SH3BP4: variants seen among roughly 807,000 people sequenced by gnomAD.
SH3BP4 encodes the protein SH3 domain-binding protein 4.
A neutral mutation model predicts 65.5 loss-of-function variants in SH3BP4; 33 were observed. That is an observed-to-expected ratio of 0.50 (90% confidence interval 0.38 to 0.67). The LOEUF (loss-of-function observed/expected upper bound fraction) is 0.67, where lower values mean the gene tolerates loss of function less well. Ranked by LOEUF, SH3BP4 falls within the 30% of genes least tolerant of loss-of-function variation. The pLI, the probability that SH3BP4 is intolerant of heterozygous loss-of-function variation, is 0.00. For synonymous variants in SH3BP4, 552 were observed against 545.5 expected, an observed-to-expected ratio of 1.01 and a Z score of -0.17; for missense variants, 1,134 against 1,261.4, an observed-to-expected ratio of 0.90 and a Z score of 1.53.
At chr2:235,036,107 A>G (rs1177251431) in intron 3 of SH3BP4, among the ~76,000 whole-genome samples, 1 of 152,234 alleles carries the variant, frequency 6.6e-6, no homozygotes, top group African/African-American at 2.4e-5. Flanking sequence ...ATGTACAAAA[A>G]TTATATGCAC....
rs1237159043 is a variant in SH3BP4, at chr2:234,952,601, G to C, written c.-207+431G>C. On this transcript the variant is annotated intron_variant, in intron 1 of 5. Transcript: ENST00000392011. The surrounding 1 kb of genome is among the most constrained non-coding windows in gnomAD (Gnocchi z 6.5). Reference sequence around the variant, plus strand: ...GCTCACGGGGGCCGTGGGGGCCACGGGAGGGCGTGGAGGGGTCGGGGCGCC... The same window carrying C: ...GCTCACGGGGGCCGTGGGGGCCACGCGAGGGCGTGGAGGGGTCGGGGCGCC... 3 of 152,132 alleles carry C rather than the reference G, an allele frequency of 2.0e-5. No individual in the cohort carries two copies. Among genetic ancestry groups the C allele is most frequent in the Non-Finnish European group, 4.4e-5 (3 of 68,028 alleles). 9.4% of individuals were successfully genotyped at this position (152,132 alleles called of 1,614,324 possible). A position where few individuals can be genotyped will look rare whatever the true frequency, so the allele number is the denominator to read the frequency against.
intron 1 of SH3BP4, among the ~76,000 whole-genome samples, chr2:234,984,183 A>G (rs116283054): frequency 1.3e-5 from 2 of 151,746 alleles, no homozygotes; most frequent in African/African-American, 4.9e-5. Context: ...CAGGGCATAT[A>G]CACGTGTATG....
intron 1 of SH3BP4, among the ~76,000 whole-genome samples, chr2:234,970,714 T>C (rs951226121): frequency 6.6e-6 from 1 of 152,258 alleles, no homozygotes; most frequent in African/African-American, 2.4e-5. Context: ...ACTCTTCAGC[T>C]GACTTCTGTT....
Position 235,010,276 on chromosome 2 carries a change from C to T in SH3BP4, c.-133+14900C>T. On this transcript the variant is annotated intron_variant, in intron 2 of 5. Coordinates refer to ENST00000392011, the MANE Select transcript of SH3BP4 (RefSeq NM_014521.3). ...CTCTGTCCCTGGGCCCACCCCACTTCATCTCCAGTTGCCTGTCTGAGTCCT... is the reference window on the plus strand; with the variant it reads ...CTCTGTCCCTGGGCCCACCCCACTTTATCTCCAGTTGCCTGTCTGAGTCCT... Among the ~76,000 whole-genome samples, 2 of 152,324 alleles carry T rather than the reference C, an allele frequency of 1.3e-5. 1 individual carries two copies. Among genetic ancestry groups the T allele is most frequent in the Middle Eastern group, 6.8e-3 (2 of 294 alleles).
chr2:235,024,078 A>G (rs942153102), intron 2 of SH3BP4, among the ~76,000 whole-genome samples: 4 of 152,220 alleles, frequency 2.6e-5, no homozygotes, highest in African/African-American at 9.6e-5. Flanking sequence ...TATCTCGATT[A>G]GTAATTGATG....
intron 2 of SH3BP4, among the ~76,000 whole-genome samples, chr2:235,000,804 C>T (rs968136945): frequency 6.6e-6 from 1 of 152,216 alleles, no homozygotes; most frequent in Non-Finnish European, 1.5e-5. Flanking sequence ...ATCTGGTGCC[C>T]CACACACTGG....
intron 2 of SH3BP4, among the ~76,000 whole-genome samples, chr2:235,000,470 T>A (rs1458579763): frequency 6.6e-6 from 1 of 152,150 alleles, no homozygotes; most frequent in Non-Finnish European, 1.5e-5. Context: ...GAGGAGGGAT[T>A]AGCATGATCC....
At chr2:234,960,125 T>A (rs7583572) in intron 1 of SH3BP4, among the ~76,000 whole-genome samples, 2,441 of 152,314 alleles carry the variant, frequency 0.016, 59 homozygotes, top group African/African-American at 0.055. Flanking sequence ...GGTATTCAGA[T>A]CTAACTGAAA....
intron 2 of SH3BP4, among the ~76,000 whole-genome samples, chr2:235,017,189 G>A (rs1694715507): frequency 6.6e-6 from 1 of 151,154 alleles, no homozygotes; most frequent in Non-Finnish European, 1.5e-5. Context: ...TCTCCTGGCT[G>A]GGTGAGATCC....
rs116103637 is a variant in SH3BP4, at chr2:234,982,133, T to C, written c.-206-13170T>C. ...ATTAGTTGTGCACCTGAAAATTCGATGTAACCGGCTGTTCTGGGTTTTGTC... is the reference window on the plus strand; with the variant it reads ...ATTAGTTGTGCACCTGAAAATTCGACGTAACCGGCTGTTCTGGGTTTTGTC... On this transcript the variant is annotated intron_variant, in intron 1 of 5. Coordinates refer to ENST00000392011, the MANE Select transcript of SH3BP4 (RefSeq NM_014521.3). Among the ~76,000 whole-genome samples, 1,285 of 152,312 alleles carry C rather than the reference T, an allele frequency of 8.4e-3. 12 individuals carry two copies. Among genetic ancestry groups the C allele is most frequent in the African/African-American group, 0.029 (1,185 of 41,558 alleles).
intron 3 of SH3BP4, among the ~76,000 whole-genome samples, chr2:235,038,249 T>TATATAATATATAGTATATATAATATATAG (rs766333800): frequency 4.6e-4 from 16 of 34,410 alleles, no homozygotes; most frequent in South Asian, 2.9e-3. Flanking sequence ...TATATATATA[T>TATATAATATATAGTATATATAATATATAG]TATATATAAT....
At position 235,047,852 on chromosome 2, in the gene SH3BP4, G is replaced by A. The variant is rs928179665; in HGVS notation, c.2478+4605G>A. On this transcript the variant is annotated intron_variant, in intron 4 of 5. Transcript: ENST00000392011. Reference sequence around the variant, plus strand: ...TTGCGGGAGGTAGGGAAATAGGCGTGTCGGGCTCTGTAGAGAAGTTTCTAT... The same window carrying A: ...TTGCGGGAGGTAGGGAAATAGGCGTATCGGGCTCTGTAGAGAAGTTTCTAT... 2.6e-5 allele frequency among the ~76,000 whole-genome samples: 4 copies of A among 152,296 alleles called. No individual in the cohort carries two copies. The East Asian group carries it at 5.8e-4, about 22-fold the overall frequency.
intron 4 of SH3BP4, among the ~76,000 whole-genome samples, chr2:235,047,290 G>A (rs770789336): frequency 3.9e-5 from 6 of 152,192 alleles, no homozygotes; most frequent in Admixed American, 2.0e-4. Flanking sequence ...TCCTTCAGGG[G>A]TCCCATGTAC....
intron 1 of SH3BP4, among the ~76,000 whole-genome samples, chr2:234,988,995 T>C (rs1167135438): frequency 6.6e-6 from 1 of 152,240 alleles, no homozygotes; most frequent in African/African-American, 2.4e-5. Context: ...CATCCATCTG[T>C]TGCCCAAATA....
At chr2:235,025,292 G>A (rs978049247) in intron 2 of SH3BP4, among the ~76,000 whole-genome samples, 2 of 152,122 alleles carry the variant, frequency 1.3e-5, no homozygotes, top group Non-Finnish European at 2.9e-5. Context: ...ACCCAGGAGC[G>A]CACTAGGGAA....
rs1695016361 is a variant in SH3BP4, at chr2:235,026,840, C to T, written c.-132-8031C>T. 6.6e-6 allele frequency among the ~76,000 whole-genome samples: 1 copy of T among 152,146 alleles called. No homozygotes were observed. Among genetic ancestry groups the T allele is most frequent in the Non-Finnish European group, 1.5e-5 (1 of 68,026 alleles). On this transcript the variant is annotated intron_variant, in intron 2 of 5. Transcript: ENST00000392011. This position sits in a 1 kb window ranked among gnomAD's most constrained non-coding sequence, Gnocchi z 4.6. ...GGGCACTGTGAGTGAGTCTGATCGG[C>T]TGGCGTGCCTGTCGGTGGCTGCCCA... is the stretch of plus-strand genomic sequence containing the variant.
At chr2:235,038,050 G>A (rs1484103049) in intron 3 of SH3BP4, among the ~76,000 whole-genome samples, 2 of 150,578 alleles carry the variant, frequency 1.3e-5, no homozygotes, top group Admixed American at 1.3e-4. Flanking sequence ...TTGAGTCCCC[G>A]CTACGCGCCA....
At chr2:235,031,176 C>T (rs917551262) in intron 2 of SH3BP4, among the ~76,000 whole-genome samples, 3 of 152,150 alleles carry the variant, frequency 2.0e-5, no homozygotes, top group Non-Finnish European at 2.9e-5. Flanking sequence ...CTTGGCTTCT[C>T]TCGGCCTGAA....
rs373204963 is a variant in SH3BP4, at chr2:234,993,201, C to T, written c.-206-2102C>T. ...CCGGGGGTCGGTTTCTCGAAGCCCC[C>T]GTCAGAGCTGATGTTCGGGCCACAC... On this transcript the variant is annotated intron_variant, in intron 1 of 5. Transcript: ENST00000392011. Among the ~76,000 whole-genome samples, 6 of 152,316 alleles carry T rather than the reference C, an allele frequency of 3.9e-5. No homozygotes were observed. The East Asian group carries it at 9.7e-4, about 25-fold the overall frequency.
Sources: gnomAD v4.1 joint callset for allele counts (sites outside exome capture counted in the v4.1 genomes callset) on GRCh38, gnomAD v4.1.1 for gene constraint, Gnocchi (gnomAD v3.1) non-coding constraint, MANE v1.5 for transcripts, NCBI Gene and HGNC (gene_info 2026-07-23, HGNC 2026-07-21) for gene names.